Variants in RYR2 observed in about 807,000 individuals in gnomAD.
RYR2 encodes the protein cardiac muscle ryanodine receptor-calcium release channel.
In RYR2, 227 loss-of-function variants were observed where a neutral mutation model predicts 601.1. That is an observed-to-expected ratio of 0.38 (90% confidence interval 0.34 to 0.42). RYR2 has a LOEUF of 0.42. Ranked by LOEUF, RYR2 falls within the 10% of genes least tolerant of loss-of-function variation. The pLI is 1.00. For synonymous variants in RYR2, 2,223 were observed against 2,175.1 expected, an observed-to-expected ratio of 1.02 and a Z score of -0.61; for missense variants, 4,646 against 6,156.5, an observed-to-expected ratio of 0.75 and a Z score of 8.21.
At position 237,755,123 on chromosome 1, in the gene RYR2, A is replaced by G. The variant is rs1354588097; in HGVS notation, c.11146-1165A>G. 7.8e-6 allele frequency: 10 copies of G among 1,284,442 alleles called. 1 individual carries two copies. In the South Asian group the frequency reaches 1.2e-4, roughly 16 times the overall value. The allele number at this position is 1,284,442 out of a possible 1,614,324, so 79.6% of individuals were successfully genotyped here. ...GCCTCGGCGAGAACTCTCTGGTAAC[A>G]GCATAAATGTCTGTGTTGGTTGCTT... On this transcript the variant is annotated intron_variant, in intron 80 of 104. Transcript: ENST00000366574.
intron 1 of RYR2, among the ~76,000 whole-genome samples, chr1:237,064,966 C>A (rs1663371747): frequency 6.6e-6 from 1 of 151,918 alleles, no homozygotes; most frequent in African/African-American, 2.4e-5. Context: ...GAACTGAAGT[C>A]CCCCATGAGA....
intron 84 of RYR2, 119 bp from the exon 85 acceptor site, chr1:237,770,688 G>A: frequency 1.7e-6 from 1 of 596,102 alleles, no homozygotes; most frequent in East Asian, 3.0e-5. Flanking sequence ...TATGACTTGT[G>A]ACTGTTTTTG....
intron 1 of RYR2, among the ~76,000 whole-genome samples, chr1:237,233,689 C>G (rs377109247): frequency 2.6e-5 from 4 of 152,242 alleles, no homozygotes; most frequent in South Asian, 4.1e-4. Flanking sequence ...GAGTCTTGCT[C>G]TGTCACCCAG....
At chr1:237,416,784 A>AG in intron 10 of RYR2, among the ~76,000 whole-genome samples, 1 of 146,960 alleles carries the variant, frequency 6.8e-6, no homozygotes, top group African/African-American at 2.5e-5. Flanking sequence ...AGAGAGAGAG[A>AG]ATGAATGAGA....
chr1:237,535,767 A>G (rs1668554535), intron 25 of RYR2, among the ~76,000 whole-genome samples: 1 of 152,236 alleles, frequency 6.6e-6, no homozygotes, highest in Admixed American at 6.5e-5. Context: ...TTATCCTAGT[A>G]GTGAAAAGAT....
chr1:237,172,940 C>T lies in RYR2; in HGVS notation c.49-97557C>T, dbSNP rs554035034. On this transcript the variant is annotated intron_variant, in intron 1 of 104. Transcript: ENST00000366574. ...TGCTGTGTTCAAGTACTTGGGATAT[C>T]GAATGACAGAACTTGTTTTTAGAGA... Among the ~76,000 whole-genome samples the T allele has an allele frequency of 5.3e-4, 81 of 152,198 alleles. 2 individuals are homozygous for T. The South Asian group carries it at 0.016, about 30-fold the overall frequency.
intron 1 of RYR2, among the ~76,000 whole-genome samples, chr1:237,145,124 A>AT (rs1673856873): frequency 6.6e-6 from 1 of 152,106 alleles, no homozygotes. Flanking sequence ...AATGTAGATG[A>AT]CGGGTTGATG....
chr1:237,813,817 G>A (rs1661500816), intron 100 of RYR2, among the ~76,000 whole-genome samples: 1 of 152,082 alleles, frequency 6.6e-6, no homozygotes, highest in South Asian at 2.1e-4. Flanking sequence ...CTCTGTTGTA[G>A]GTTTTTATAT....
At chr1:237,074,683 C>T (rs1664786168) in intron 1 of RYR2, among the ~76,000 whole-genome samples, 1 of 152,190 alleles carries the variant, frequency 6.6e-6, no homozygotes, top group Admixed American at 6.5e-5. Context: ...CTTATGCAAA[C>T]CCAAGATGGC....
chr1:237,783,832 G>A lies in RYR2; in HGVS notation c.12120G>A (p.Lys4040=). Residue 4040 remains lysine, a synonymous_variant, in exon 90 of 105, where the codon AAG becomes AAA. Transcript: ENST00000366574. ...TTAAAGAATATGACCCCGATGGCAA[G>A]GGAGTCATTTCCAAGAGGGACTTCC... The part of the protein sequence containing the change: ...DTFKEYDPDG[K]GVISKRDFHK... 6.2e-7 allele frequency: 1 copy of A among 1,613,882 alleles called. No individual in the cohort carries two copies. Among genetic ancestry groups the A allele is most frequent in the Non-Finnish European group, 8.5e-7 (1 of 1,179,854 alleles).
At chr1:237,557,984 AG>A (rs1426673708) in intron 27 of RYR2, among the ~76,000 whole-genome samples, 2 of 152,212 alleles carry the variant, frequency 1.3e-5, no homozygotes, top group Non-Finnish European at 1.5e-5. Flanking sequence ...AGAGAAACAG[AG>A]GGTTAAAAAT....
chr1:237,687,073 A>T (rs1238976485), intron 62 of RYR2, among the ~76,000 whole-genome samples: 1 of 152,168 alleles, frequency 6.6e-6, no homozygotes, highest in Non-Finnish European at 1.5e-5. Context: ...CCAGAGTTTC[A>T]GTGGTACATT....
At chr1:237,641,943 T>C (rs1681599543) in intron 47 of RYR2, among the ~76,000 whole-genome samples, 1 of 152,212 alleles carries the variant, frequency 6.6e-6, no homozygotes, top group Non-Finnish European at 1.5e-5. Flanking sequence ...TTCTTTATTT[T>C]ATTGTAGTTG....
At chr1:237,307,189 C>T (rs1298074703) in intron 2 of RYR2, among the ~76,000 whole-genome samples, 1 of 152,116 alleles carries the variant, frequency 6.6e-6, no homozygotes, top group African/African-American at 2.4e-5. Flanking sequence ...AGAGACTCTG[C>T]TAAGGCATTG....
At chr1:237,671,572 T>C in intron 58 of RYR2, among the ~76,000 whole-genome samples, 1 of 151,268 alleles carries the variant, frequency 6.6e-6, no homozygotes, top group East Asian at 1.9e-4. Context: ...AAATAAGAAG[T>C]CAGAAACACT....
intron 1 of RYR2, among the ~76,000 whole-genome samples, chr1:237,214,606 C>A (rs180963449): frequency 1.3e-5 from 2 of 152,288 alleles, no homozygotes; most frequent in Admixed American, 1.3e-4. Flanking sequence ...CTACCGGGTT[C>A]CACCTCTGAC....
At chr1:237,495,015 T>A (rs1433916267) in intron 19 of RYR2, among the ~76,000 whole-genome samples, 2 of 152,148 alleles carry the variant, frequency 1.3e-5, no homozygotes, top group Admixed American at 1.3e-4. Flanking sequence ...GGTCTCGAAC[T>A]CCTGACCTTG....
chr1:237,537,391 T>C (rs905914518), intron 25 of RYR2, among the ~76,000 whole-genome samples: 80 of 152,248 alleles, frequency 5.3e-4, no homozygotes, highest in Admixed American at 1.5e-3. Flanking sequence ...TAGCACAATC[T>C]TGGCTCGCTG....
At chr1:237,785,021 G>T in intron 90 of RYR2, 49 bp downstream of exon 90, 1 of 1,324,388 alleles carries the variant, frequency 7.6e-7, no homozygotes, top group Non-Finnish European at 1.1e-6. Flanking sequence ...CTTCAGGTGG[G>T]TATAATAAAT....
Sources: allele counts gnomAD v4.1 joint callset (sites outside exome capture counted in the v4.1 genomes callset), GRCh38; gene constraint gnomAD v4.1.1; transcripts MANE v1.5; gene names NCBI Gene and HGNC (gene_info 2026-07-23, HGNC 2026-07-21).